Variants in CLCC1 observed in about 807,000 individuals in gnomAD.
The protein encoded by CLCC1 is chloride channel CLIC like 1, also known as chloride channel CLIC-like protein 1.
Under a neutral mutation model 63.3 loss-of-function variants are expected in CLCC1, and 39 were observed. The ratio of observed to expected loss-of-function variants is 0.62; its 90% CI spans 0.48 to 0.81. The LOEUF (loss-of-function observed/expected upper bound fraction) is 0.81. Among genes scored for constraint, CLCC1 ranks in the 30% least tolerant of loss-of-function variants. CLCC1 has a pLI of 0.00. For synonymous variants in CLCC1, 217 were observed against 239.8 expected (o/e 0.90, Z 0.88); for missense variants, 549 against 669.4 (o/e 0.82, Z 1.98).
intron 5 of CLCC1, among the ~76,000 whole-genome samples, chr1:108,944,635 CT>C (rs869070503): frequency 3.7e-3 from 541 of 144,320 alleles, no homozygotes; most frequent in Middle Eastern, 3.6e-3. Flanking sequence ...TAGTTATCGT[CT>C]TTTTTTTTTT....
chr1:108,948,208 CTT>C (rs1165011060), intron 4 of CLCC1, among the ~76,000 whole-genome samples: 3 of 152,144 alleles, frequency 2.0e-5, no homozygotes, highest in Non-Finnish European at 4.4e-5. Flanking sequence ...GTGCATATGA[CTT>C]TTGGCCTTTT....
chr1:108,949,099 AT>A (rs1438318996), intron 4 of CLCC1, among the ~76,000 whole-genome samples: 3 of 152,148 alleles, frequency 2.0e-5, no homozygotes, highest in African/African-American at 7.2e-5. Flanking sequence ...ATTCTACCTC[AT>A]AAAAGTTTAA....
Position 108,937,029 on chromosome 1 carries a change from T to C in CLCC1, c.1383+48A>G, listed in dbSNP as rs201498856. 95 of 1,333,966 alleles carry C rather than the reference T, an allele frequency of 7.1e-5. No individual in the cohort carries two copies. In the East Asian group the frequency reaches 2.4e-3, roughly 34 times the overall value. 82.6% of individuals were successfully genotyped at this position (1,333,966 alleles called of 1,614,324 possible). ...CAATCAGACCTCTTCCAGAAGGATT[T>C]AGAACCAGTAATGAAGGGACAGCAG... is the stretch of plus-strand genomic sequence containing the variant. On this transcript the variant is annotated intron_variant, in intron 11 of 12. Coordinates refer to ENST00000369969, the MANE Select transcript of CLCC1 (RefSeq NM_001377458.1).
At chr1:108,963,228 G>A (rs1656901288) in intron 1 of CLCC1, 133 bp downstream of exon 1, 2 of 585,224 alleles carry the variant, frequency 3.4e-6, no homozygotes, top group East Asian at 3.0e-5. Flanking sequence ...CACGCAGCTA[G>A]CACGGTCCCC....
intron 2 of CLCC1, among the ~76,000 whole-genome samples, chr1:108,952,818 AAG>A (rs1655389002): frequency 6.6e-6 from 1 of 151,984 alleles, no homozygotes; most frequent in African/African-American, 2.4e-5. Context: ...AAAAAAAAGA[AAG>A]AAAGGTGGGA....
chr1:108,936,856 A>G (rs1299093894), intron 11 of CLCC1, among the ~76,000 whole-genome samples: 1 of 152,158 alleles, frequency 6.6e-6, no homozygotes, highest in Non-Finnish European at 1.5e-5. Context: ...GCTCTAACAA[A>G]CTACTGTTAA....
intron 11 of CLCC1, among the ~76,000 whole-genome samples, chr1:108,936,097 T>TC (rs1273106296): frequency 6.9e-6 from 1 of 144,618 alleles, no homozygotes; most frequent in East Asian, 2.0e-4. Context: ...TTTTTTTTTT[T>TC]TTTTTTTTTT....
At position 108,931,639 on chromosome 1, in the gene CLCC1, A is replaced by G. The variant is rs1570984286; in HGVS notation, c.*908T>C. 7.1e-6 allele frequency: 8 copies of G among 1,124,792 alleles called. No homozygotes were observed. The East Asian group carries it at 2.2e-4, about 31-fold the overall frequency. 69.7% of individuals were successfully genotyped at this position (1,124,792 alleles called of 1,614,324 possible). A position where few individuals can be genotyped will look rare whatever the true frequency, so the allele number is the denominator to read the frequency against. On this transcript the variant is annotated 3_prime_UTR_variant, in exon 13 of 13. Coordinates refer to ENST00000369969, the MANE Select transcript of CLCC1 (RefSeq NM_001377458.1). The stretch of plus-strand genomic sequence containing the variant: ...ATTAAGTGCTCAGCTAAAAAAAAAA[A>G]AAAAGTTCTAAATTACAACCTGGAT...
At chr1:108,936,251 C>T (rs1321121882) in intron 11 of CLCC1, among the ~76,000 whole-genome samples, 2 of 152,096 alleles carry the variant, frequency 1.3e-5, no homozygotes, top group Non-Finnish European at 2.9e-5. Context: ...TACCACATCA[C>T]GCCTGGCTAA....
At chr1:108,954,266 T>G (rs1557899311) in intron 2 of CLCC1, among the ~76,000 whole-genome samples, 1 of 151,036 alleles carries the variant, frequency 6.6e-6, no homozygotes, top group South Asian at 2.1e-4. Flanking sequence ...GGCAGGCAGA[T>G]AATGAGGTCA....
Position 108,939,667 on chromosome 1 carries a change from G to A in CLCC1, c.1010C>T (p.Pro337Leu). ...MKEIPALLHLPVLIIMALAIL... is the reference protein window; with the variant it reads ...MKEIPALLHLLVLIIMALAIL... ...GGCTAATGCCATAATTATCAGCACT[G>A]GAAGATGAAGCAGCGCTGGAATTTC... The change falls in exon 10 of 13, where the codon CCA becomes CTA. Residue 337 changes from proline (P) to leucine (L), a missense_variant. Transcript: ENST00000369969. The A allele has an allele frequency of 1.2e-6, 2 of 1,614,044 alleles. No individual in the cohort carries two copies. The highest frequency in any genetic ancestry group is 1.7e-6 in the Non-Finnish European group (2 of 1,179,978).
chr1:108,943,140 C>T (rs1654066113), intron 7 of CLCC1, among the ~76,000 whole-genome samples: 2 of 152,114 alleles, frequency 1.3e-5, no homozygotes. Context: ...GACCTCCTGA[C>T]CAAGTGATCT....
Position 108,934,921 on chromosome 1 carries a change from T to C in CLCC1, c.1405A>G (p.Thr469Ala), listed in dbSNP as rs199581690. The C allele has an allele frequency of 6.2e-7, 1 of 1,611,674 alleles. No individual in the cohort carries two copies. The highest frequency in any genetic ancestry group is 1.3e-5 in the African/African-American group (1 of 74,930). Residue 469 changes from threonine to alanine, a missense_variant, in exon 12 of 13, where the codon ACA (threonine) becomes GCA (alanine). Thr to Ala is a moderately conservative substitution (Grantham distance 58). Coordinates refer to ENST00000369969, the MANE Select transcript of CLCC1 (RefSeq NM_001377458.1). ...ATTCCACCTGTCTCCTTGGGCTTTG[T>C]ATCCAAAACAGGTGATTTATGCTAT... ...VPSHKSPVLD[T>A]KPKETGGILG... is the part of the protein sequence containing the mutation.
intron 5 of CLCC1, among the ~76,000 whole-genome samples, chr1:108,944,692 C>T (rs1042209499): frequency 3.3e-5 from 5 of 151,712 alleles, no homozygotes; most frequent in Middle Eastern, 3.4e-3. Flanking sequence ...TGCAGTGACG[C>T]AATCTCTGCT....
intron 2 of CLCC1, among the ~76,000 whole-genome samples, chr1:108,951,894 T>C (rs1414333690): frequency 1.3e-5 from 2 of 151,276 alleles, no homozygotes; most frequent in African/African-American, 2.4e-5. Flanking sequence ...CTCAGCCTCC[T>C]GAGTAGCTGG....
intron 1 of CLCC1, among the ~76,000 whole-genome samples, chr1:108,962,879 A>C (rs564245647): frequency 1.6e-4 from 25 of 151,866 alleles, no homozygotes; most frequent in Non-Finnish European, 3.1e-4. Context: ...TCAAAAAAAA[A>C]AAAAAAATCC....
At chr1:108,940,195 A>C in intron 8 of CLCC1, 53 bp from the exon 9 acceptor site, 7 of 1,275,046 alleles carry the variant, frequency 5.5e-6, no homozygotes, top group Non-Finnish European at 6.7e-6. Flanking sequence ...GTTGCATTTC[A>C]TTCCCAAACA....
chr1:108,933,821 C>G (rs1652410828), intron 12 of CLCC1: 1 of 152,146 alleles, frequency 6.6e-6, no homozygotes, highest in African/African-American at 2.4e-5. Context: ...ATGGTATTCT[C>G]TATGTATAGA....
chr1:108,937,283 C>T lies in CLCC1; in HGVS notation c.1177G>A (p.Ala393Thr). Residue 393 changes from alanine (A) to threonine (T), a missense_variant, in exon 11 of 13, where the codon GCA (alanine) becomes ACA (threonine). Physicochemically the swap from Ala to Thr is moderately conservative, Grantham distance 58. Transcript: ENST00000369969. ...EEIDYRPDGG[A>T]GDADFHYRGQ... is the part of the protein sequence containing the mutation. ...CTATAATGGAAATCGGCATCACCTGCTCCACCATCAGGTCTATAATCAATT... is the reference window on the plus strand; with the variant it reads ...CTATAATGGAAATCGGCATCACCTGTTCCACCATCAGGTCTATAATCAATT... 6.2e-7 allele frequency: 1 copy of T among 1,614,210 alleles called. No homozygotes were observed. The highest frequency in any genetic ancestry group is 8.5e-7 in the Non-Finnish European group (1 of 1,180,026).
Sources: gnomAD v4.1 joint callset for allele counts (sites outside exome capture counted in the v4.1 genomes callset) on GRCh38, gnomAD v4.1.1 for gene constraint, MANE v1.5 for transcripts, NCBI Gene and HGNC (gene_info 2026-07-23, HGNC 2026-07-21) for gene names.